HIF3A: variants seen among roughly 807,000 people sequenced by gnomAD.
HIF3A encodes hypoxia inducible factor 3 subunit alpha, also known as hypoxia-inducible factor 3-alpha.
Under a neutral mutation model 67.2 loss-of-function variants are expected in HIF3A, and 41 were observed. That is an observed-to-expected ratio of 0.61 (90% CI 0.48 to 0.79). The LOEUF is 0.79. Among genes scored for constraint, HIF3A ranks in the 30% least tolerant of loss-of-function variants. The probability of loss-of-function intolerance (pLI) is 0.00; values close to 1 mark genes in which losing one functional copy is unlikely to be tolerated. For synonymous variants in HIF3A, 356 were observed against 374.8 expected, an observed-to-expected ratio of 0.95 and a Z score of 0.58; for missense variants, 855 against 898.0, an observed-to-expected ratio of 0.95 and a Z score of 0.61.
At chr19:46,308,028 G>C (rs1166724273) in intron 3 of HIF3A, among the ~76,000 whole-genome samples, 193 bp from the exon 4 acceptor site, 1 of 152,008 alleles carries the variant, frequency 6.6e-6, no homozygotes, top group Non-Finnish European at 1.5e-5. Context: ...ATGAGGGCCT[G>C]GCACTTGGTA....
In HIF3A at chr19:46,311,667, A is replaced by G. The variant is rs117639519; in HGVS notation, c.771-494A>G. 1.9e-4 allele frequency among the ~76,000 whole-genome samples: 29 copies of G among 152,030 alleles called. No individual in the cohort carries two copies. In the East Asian group the frequency reaches 5.4e-3, roughly 28 times the overall value. On this transcript the variant is annotated intron_variant, in intron 6 of 14. Transcript: ENST00000377670. Reference sequence around the variant, plus strand: ...ATTGAGCCTGGGAGTTCAAGACCAGACTGGGCAACATAGTGAGACCCCCAT... The same window carrying G: ...ATTGAGCCTGGGAGTTCAAGACCAGGCTGGGCAACATAGTGAGACCCCCAT...
At chr19:46,317,261 C>T (rs1046106338) in intron 8 of HIF3A, among the ~76,000 whole-genome samples, 1 of 152,056 alleles carries the variant, frequency 6.6e-6, no homozygotes, top group African/African-American at 2.4e-5. Context: ...CACTGTGTTG[C>T]CCAGGCTGGT....
chr19:46,303,996 C>G lies in HIF3A; in HGVS notation c.125C>G (p.Pro42Arg). 6.3e-7 allele frequency: 1 copy of G among 1,598,098 alleles called. No individual in the cohort carries two copies. The highest frequency in any genetic ancestry group is 8.5e-7 in the Non-Finnish European group (1 of 1,173,130). Residue 42 changes from proline (P) to arginine (R), a missense_variant, in exon 2 of 15, where the codon CCC (proline) becomes CGC (arginine). Physicochemically the swap from Pro to Arg is moderately radical, Grantham distance 103 (BLOSUM62 -2). Transcript: ENST00000377670. ...EVLYQLAHTLPFARGVSAHLD... is the reference protein window; with the variant it reads ...EVLYQLAHTLRFARGVSAHLD... ...CTGTACCAGCTGGCTCACACGCTGC[C>G]CTTCGCCCGCGGCGTCAGCGCCCAC...
chr19:46,338,823 C>T (rs1971807723), intron 14 of HIF3A, among the ~76,000 whole-genome samples: 1 of 152,138 alleles, frequency 6.6e-6, no homozygotes, highest in African/African-American at 2.4e-5. Context: ...TTCTTCACCG[C>T]AGCCCTGAAC....
chr19:46,303,483 G>C, intron 1 of HIF3A: 1 of 699,970 alleles, frequency 1.4e-6, no homozygotes. Flanking sequence ...CTGGGAGGCT[G>C]TAGGCCTCTC....
intron 4 of HIF3A, 150 bp downstream of exon 4, chr19:46,308,455 A>C (rs1023314292): frequency 6.1e-6 from 4 of 655,276 alleles, no homozygotes; most frequent in Non-Finnish European, 8.0e-6. Flanking sequence ...CTATGGGGAC[A>C]AAGACCCTGC....
chr19:46,313,846 G>C (rs1166473936), intron 8 of HIF3A, among the ~76,000 whole-genome samples: 1 of 150,468 alleles, frequency 6.6e-6, no homozygotes, highest in South Asian at 2.1e-4. Context: ...ATTTTTAATA[G>C]AGAAGGAGTT....
At chr19:46,317,126 GCCCAGGCTGGT>G (rs1172252861) in intron 8 of HIF3A, among the ~76,000 whole-genome samples, 1 of 151,876 alleles carries the variant, frequency 6.6e-6, no homozygotes, top group Non-Finnish European at 1.5e-5. Flanking sequence ...TCATCATGTT[GCCCAGGCTGGT>G]CTTAAACTCC....
chr19:46,308,525 C>A, intron 4 of HIF3A, 138 bp from the exon 5 acceptor site: 1 of 646,092 alleles, frequency 1.5e-6, no homozygotes. Context: ...ACACATACTA[C>A]CCCTGGGGGA....
At position 46,297,183 on chromosome 19, in the gene HIF3A, G is replaced by T; in HGVS notation, c.26+81G>T. On this transcript the variant is annotated intron_variant, in intron 1 of 14. Coordinates refer to ENST00000377670, the MANE Select transcript of HIF3A (RefSeq NM_152795.4). The surrounding 1 kb of genome is among the most constrained non-coding windows in gnomAD (Gnocchi z 4.5). ...CCCCTGAGCTGGATTGTTGGGGGGG[G>T]TGGGGTTCGCGGGTGCGAGCCAAGA... is the stretch of plus-strand genomic sequence containing the variant. 6 of 683,102 alleles carry T rather than the reference G, an allele frequency of 8.8e-6. 1 individual carries two copies. Among genetic ancestry groups the T allele is most frequent in the Non-Finnish European group, 8.5e-6 (4 of 470,406 alleles). The allele number at this position is 683,102 out of a possible 1,614,324, so 42.3% of individuals were successfully genotyped here.
chr19:46,343,027 C>A lies in HIF3A; in HGVS notation c.*3405C>A, dbSNP rs1274767788. 6.5e-6 allele frequency: 1 copy of A among 152,734 alleles called. No homozygotes were observed. The highest frequency in any genetic ancestry group is 2.4e-5 in the African/African-American group (1 of 41,460). The allele number at this position is 152,734 out of a possible 1,614,324, so 9.5% of individuals were successfully genotyped here. A position where few individuals can be genotyped will look rare whatever the true frequency, so the allele number is the denominator to read the frequency against. ...CAATCTGAAGACTTCTCCAGCCACA[C>A]AGGCACATGCACAGGCACGGTGCTG... On this transcript the variant is annotated 3_prime_UTR_variant, in exon 15 of 15. Transcript: ENST00000377670.
rs79439635 is a variant in HIF3A at position 46,328,079 on chromosome 19, C to G, written c.1441-1128C>G. ...CAGTCTCCAATGCTACCTCTACCTT[C>G]CCTGGATCCGGCTGATTTTGTGCGG... On this transcript the variant is annotated intron_variant, in intron 11 of 14. Transcript: ENST00000377670. 3.2e-3 allele frequency among the ~76,000 whole-genome samples: 482 copies of G among 152,370 alleles called. 3 individuals are homozygous for G. The highest frequency in any genetic ancestry group is 5.8e-3 in the Non-Finnish European group (392 of 68,036).
At position 46,309,324 on chromosome 19, in the gene HIF3A, C is replaced by T. The variant is rs1568510061; in HGVS notation, c.735C>T (p.His245=). The T allele has an allele frequency of 4.3e-6, 7 of 1,612,660 alleles. No individual in the cohort carries two copies. The highest frequency in any genetic ancestry group is 5.1e-6 in the Non-Finnish European group (6 of 1,179,488). The change falls in exon 6 of 15, where the codon CAC becomes CAT. Residue 245 remains histidine (H), a synonymous_variant. Transcript: ENST00000377670. ...PLGRGAFLSR[H]SLDMKFTYCD... ...GCCGAGGGGCCTTCCTCAGCCGCCA[C>T]AGCCTGGACATGAAGTTCACCTACT...
At chr19:46,313,663 G>A (rs541282291) in intron 8 of HIF3A, among the ~76,000 whole-genome samples, 6 of 62,148 alleles carry the variant, frequency 9.7e-5, no homozygotes, top group Non-Finnish European at 1.5e-4. Flanking sequence ...CAATTACCAC[G>A]ATTTTTTTTT....
chr19:46,305,243 AG>A lies in HIF3A; in HGVS notation c.220del, dbSNP rs1419224649. Reference sequence around the variant, plus strand: ...CCCCCATCCCCCTGCCCCGGGCACCAGGGGAGTGGAACCAGGTGGGAGCAGG... The same window carrying A: ...CCCCCATCCCCCTGCCCCGGGCACCAGGGAGTGGAACCAGGTGGGAGCAGG... On this transcript the variant is annotated splice_acceptor_variant, in intron 2 of 14. Transcript: ENST00000377670. LOFTEE classifies it high-confidence loss of function. 15 of 1,613,922 alleles carry A rather than the reference AG, an allele frequency of 9.3e-6. No individual in the cohort carries two copies. The highest frequency in any genetic ancestry group is 1.3e-5 in the Non-Finnish European group (15 of 1,179,996).
chr19:46,338,095 G>C (rs951607761), intron 14 of HIF3A: 9 of 424,060 alleles, frequency 2.1e-5, no homozygotes, highest in Non-Finnish European at 4.2e-5. Context: ...CTTCTCACTG[G>C]AGTGTCGGTC....
chr19:46,337,016 G>A (rs970019749), intron 14 of HIF3A, among the ~76,000 whole-genome samples: 43 of 151,804 alleles, frequency 2.8e-4, no homozygotes, highest in Admixed American at 2.2e-3. Flanking sequence ...ATAAACAAAT[G>A]AACAAAAAAG....
In HIF3A at chr19:46,343,248, T is replaced by C. The variant is rs1387999741; in HGVS notation, c.*3626T>C. ...CTGCTCGCTCTGTTTTGTCAGAGAG[T>C]GGCCTATCCAGATTGGTGCTATGGG... On this transcript the variant is annotated 3_prime_UTR_variant, in exon 15 of 15. Coordinates refer to ENST00000377670, the MANE Select transcript of HIF3A (RefSeq NM_152795.4). 2 of 152,618 alleles carry C rather than the reference T, an allele frequency of 1.3e-5. No homozygotes were observed. The highest frequency in any genetic ancestry group is 2.9e-5 in the Non-Finnish European group (2 of 68,088). 9.5% of individuals were successfully genotyped at this position (152,618 alleles called of 1,614,324 possible).
intron 1 of HIF3A, chr19:46,298,247 C>T (rs753112222): frequency 6.1e-5 from 24 of 396,282 alleles, no homozygotes; most frequent in Non-Finnish European, 8.5e-5. Flanking sequence ...TATTCCAGGC[C>T]CTGGCTCTGG....
Sources: gnomAD v4.1 joint callset for allele counts (sites outside exome capture counted in the v4.1 genomes callset) on GRCh38, gnomAD v4.1.1 for gene constraint, Gnocchi (gnomAD v3.1) non-coding constraint, MANE v1.5 for transcripts, NCBI Gene and HGNC (gene_info 2026-07-23, HGNC 2026-07-21) for gene names.